Variants in TRPM3 observed in about 807,000 individuals in gnomAD.
The protein encoded by TRPM3 is transient receptor potential cation channel subfamily M member 3, also known as long transient receptor potential channel 3.
Under a neutral mutation model 181.2 loss-of-function variants are expected in TRPM3, and 77 were observed. The observed-to-expected ratio is 0.42, with a 90% CI of 0.35 to 0.51. TRPM3 has a LOEUF of 0.51. TRPM3 is among the 20% of genes least tolerant of loss of function. TRPM3 has a pLI of 0.01. For missense variants in TRPM3, 1,759 were observed against 2,196.7 expected (o/e 0.80, Z 3.98); for synonymous variants, 745 against 796.4 (o/e 0.94, Z 1.09).
intron 1 of TRPM3, among the ~76,000 whole-genome samples, chr9:71,156,871 T>C (rs2076030538): frequency 6.6e-6 from 1 of 152,132 alleles, no homozygotes; most frequent in East Asian, 1.9e-4. Context: ...GATAGCTTGA[T>C]GTGGCAGTGG....
At chr9:71,247,545 A>T (rs575887474) in intron 1 of TRPM3, among the ~76,000 whole-genome samples, 1 of 151,966 alleles carries the variant, frequency 6.6e-6, no homozygotes, top group Non-Finnish European at 1.5e-5. Flanking sequence ...AATAAAAAAT[A>T]CCAGGGGGGA....
At chr9:70,798,122 T>C (rs1052455521) in intron 6 of TRPM3, among the ~76,000 whole-genome samples, 17 of 152,210 alleles carry the variant, frequency 1.1e-4, no homozygotes, top group African/African-American at 3.4e-4. Flanking sequence ...TGGCATGATC[T>C]TGGCTCACTG....
chr9:71,373,240 T>C (rs1301355178), intron 1 of TRPM3, among the ~76,000 whole-genome samples: 1 of 150,454 alleles, frequency 6.6e-6, no homozygotes, highest in African/African-American at 2.4e-5. Context: ...AACAAACCCC[T>C]ATGCTAGCAG....
chr9:70,873,732 C>T (rs1201889506), intron 1 of TRPM3, among the ~76,000 whole-genome samples: 1 of 151,964 alleles, frequency 6.6e-6, no homozygotes, highest in African/African-American at 2.4e-5. Flanking sequence ...GGTCACACTT[C>T]CATTAGGGGA....
intron 1 of TRPM3, among the ~76,000 whole-genome samples, chr9:71,364,631 A>G (rs1347087450): frequency 6.6e-6 from 1 of 152,200 alleles, no homozygotes; most frequent in Non-Finnish European, 1.5e-5. Flanking sequence ...GATTTTTAAA[A>G]TCTTTGTCAA....
intron 1 of TRPM3, among the ~76,000 whole-genome samples, chr9:71,314,261 T>TTA (rs1358020301): frequency 6.6e-6 from 1 of 152,138 alleles, no homozygotes; most frequent in African/African-American, 2.4e-5. Context: ...AAGAACACAG[T>TTA]TATCATATGA....
Position 71,023,112 on chromosome 9 carries a change from G to A in TRPM3, c.177+98066C>T, listed in dbSNP as rs2097860100. On this transcript the variant is annotated intron_variant, in intron 1 of 25. Coordinates refer to ENST00000677713, the MANE Select transcript of TRPM3 (RefSeq NM_001366145.2). ...TCATATCTGACAAATAACTGTTACTGAGAATACATAAAGAACTCTCAAAAC... is the reference window on the plus strand; with the variant it reads ...TCATATCTGACAAATAACTGTTACTAAGAATACATAAAGAACTCTCAAAAC... 2.6e-5 allele frequency among the ~76,000 whole-genome samples: 4 copies of A among 152,158 alleles called. No homozygotes were observed. The South Asian group carries it at 8.3e-4, about 32-fold the overall frequency.
chr9:70,605,494 C>T (rs1344108464), intron 19 of TRPM3, among the ~76,000 whole-genome samples: 1 of 151,926 alleles, frequency 6.6e-6, no homozygotes, highest in Non-Finnish European at 1.5e-5. Flanking sequence ...GCCTAAGTTC[C>T]TACCCCTCCC....
At chr9:71,372,916 A>G (rs969361721) in intron 1 of TRPM3, among the ~76,000 whole-genome samples, 2 of 152,178 alleles carry the variant, frequency 1.3e-5, no homozygotes, top group Non-Finnish European at 2.9e-5. Flanking sequence ...CTGAAATAAT[A>G]AACAGTCTGT....
intron 1 of TRPM3, among the ~76,000 whole-genome samples, chr9:71,321,426 G>C (rs1028585907): frequency 6.6e-6 from 1 of 152,010 alleles, no homozygotes; most frequent in Non-Finnish European, 1.5e-5. Flanking sequence ...TCCCTCCCTT[G>C]CTTAGACCAC....
At chr9:70,858,600 A>C (rs2095444961) in intron 3 of TRPM3, among the ~76,000 whole-genome samples, 1 of 152,122 alleles carries the variant, frequency 6.6e-6, no homozygotes, top group South Asian at 2.1e-4. Context: ...AGTAATAAGA[A>C]GGTAAATTGG....
At chr9:71,299,827 G>A (rs981922501) in intron 1 of TRPM3, among the ~76,000 whole-genome samples, 1 of 151,954 alleles carries the variant, frequency 6.6e-6, no homozygotes, top group East Asian at 1.9e-4. Flanking sequence ...GACTATTAAG[G>A]ATCAAACTCC....
At chr9:70,825,015 G>A (rs2093462122) in intron 6 of TRPM3, 1 of 152,174 alleles carries the variant, frequency 6.6e-6, no homozygotes, top group African/African-American at 2.4e-5. Context: ...TAAGGAGCTT[G>A]CTGCTCCATC....
chr9:70,907,417 A>G (rs1260282588), intron 1 of TRPM3, among the ~76,000 whole-genome samples: 2 of 152,190 alleles, frequency 1.3e-5, no homozygotes, highest in Non-Finnish European at 2.9e-5. Context: ...TAAGTGCTGA[A>G]GTGCTGTGTA....
At chr9:70,582,992 G>A (rs538655911) in intron 22 of TRPM3, among the ~76,000 whole-genome samples, 49 of 152,280 alleles carry the variant, frequency 3.2e-4, no homozygotes, top group African/African-American at 1.1e-3. Context: ...TTAAATTAGT[G>A]TGGTGGAATA....
chr9:70,738,235 T>A (rs1027112988), intron 8 of TRPM3, among the ~76,000 whole-genome samples: 1 of 152,140 alleles, frequency 6.6e-6, no homozygotes, highest in East Asian at 1.9e-4. Flanking sequence ...AAACCATGCA[T>A]GTACATGGAA....
At chr9:70,821,175 G>C (rs2093135264) in intron 6 of TRPM3, among the ~76,000 whole-genome samples, 5 of 152,150 alleles carry the variant, frequency 3.3e-5, no homozygotes, top group Admixed American at 3.3e-4. Context: ...CTGCTACTGA[G>C]TTAAAGAAAT....
intron 1 of TRPM3, among the ~76,000 whole-genome samples, chr9:71,285,130 G>A (rs2132229281): frequency 6.6e-6 from 1 of 152,264 alleles, no homozygotes; most frequent in East Asian, 1.9e-4. Context: ...GCATGTTTTT[G>A]TAACACTTAC....
intron 1 of TRPM3, among the ~76,000 whole-genome samples, chr9:71,379,706 T>TA (rs34289215): frequency 0.41 from 62,314 of 151,592 alleles, 14,718 homozygotes; most frequent in Non-Finnish European, 0.53. Flanking sequence ...TCTTTTTTTT[T>TA]AATTCAAATA....
Sources: allele counts gnomAD v4.1 joint callset (sites outside exome capture counted in the v4.1 genomes callset), GRCh38; gene constraint gnomAD v4.1.1; transcripts MANE v1.5; gene names NCBI Gene and HGNC (gene_info 2026-07-23, HGNC 2026-07-21).